The following SRD5A1 variants were observed in gnomAD, a reference collection of about 807,000 sequenced individuals.
SRD5A1 encodes steroid 5 alpha-reductase 1, also known as 3-oxo-5-alpha-steroid 4-dehydrogenase 1.
SRD5A1 carries 22 observed loss-of-function variants against 28.2 expected under a neutral mutation model. The observed-to-expected ratio is 0.78, with a 90% CI of 0.56 to 1.12. SRD5A1 has a LOEUF of 1.12. Among genes scored for constraint, SRD5A1 ranks in the 50% most tolerant of loss-of-function variants. The probability of loss-of-function intolerance (pLI) is 0.00; values close to 1 mark genes in which losing one functional copy is unlikely to be tolerated. For missense variants in SRD5A1, 300 were observed against 346.7 expected (o/e 0.87, Z 1.07); for synonymous variants, 151 against 135.0 (o/e 1.12, Z -0.82).
intron 1 of SRD5A1, among the ~76,000 whole-genome samples, chr5:6,647,824 T>A (rs10050691): frequency 0.35 from 52,725 of 151,956 alleles, 9,357 homozygotes; most frequent in Middle Eastern, 0.43. Context: ...TGCTAGCTGG[T>A]TATTTTGCCT....
chr5:6,642,858 C>G (rs1210163253), intron 1 of SRD5A1, among the ~76,000 whole-genome samples: 2 of 152,162 alleles, frequency 1.3e-5, no homozygotes, highest in African/African-American at 4.8e-5. Context: ...GCATAGTCAG[C>G]TTATTTGTGA....
chr5:6,664,600 C>A (rs1200472934), intron 4 of SRD5A1, among the ~76,000 whole-genome samples: 1 of 152,142 alleles, frequency 6.6e-6, no homozygotes, highest in Non-Finnish European at 1.5e-5. Context: ...GAGTTGTGGT[C>A]TCACTATATT....
chr5:6,637,690 C>T lies in SRD5A1; in HGVS notation c.293+3821C>T, dbSNP rs8192146. On this transcript the variant is annotated intron_variant, in intron 1 of 4. Transcript: ENST00000274192. ...TCCGAGGAGCCTGAGCAGGAGGTGC[C>T]GCTTGCCACGGGAGTCCTCAGTGAC... is the stretch of plus-strand genomic sequence containing the variant. Among the ~76,000 whole-genome samples, 141 of 152,310 alleles carry T rather than the reference C, an allele frequency of 9.3e-4. 2 individuals are homozygous for T. In the South Asian group the frequency reaches 0.024, roughly 26 times the overall value.
At chr5:6,665,368 A>G (rs761586895) in intron 4 of SRD5A1, among the ~76,000 whole-genome samples, 2 of 152,280 alleles carry the variant, frequency 1.3e-5, no homozygotes, top group Admixed American at 6.5e-5. Flanking sequence ...TAGCAGCCAC[A>G]GGGAACTGAT....
At chr5:6,633,899 C>T (rs1309277862) in intron 1 of SRD5A1, 30 bp downstream of exon 1, 3 of 1,592,334 alleles carry the variant, frequency 1.9e-6, no homozygotes, top group Admixed American at 1.7e-5. Flanking sequence ...GCCCCCTACC[C>T]TACTCCCGGC....
At chr5:6,662,787 G>A (rs1161083990) in intron 3 of SRD5A1, 29 bp from the exon 4 acceptor site, 2 of 1,601,960 alleles carry the variant, frequency 1.2e-6, no homozygotes, top group Non-Finnish European at 1.7e-6. Context: ...TGTAGTAAAT[G>A]CACTACTTTG....
In SRD5A1 at chr5:6,673,840, T is replaced by G. The variant is rs1739430826; in HGVS notation, c.*5572T>G. 3 of 152,098 alleles carry G rather than the reference T, an allele frequency of 2.0e-5. No individual in the cohort carries two copies. The South Asian group carries it at 6.2e-4, about 31-fold the overall frequency. The allele number at this position is 152,098 out of a possible 1,614,324, so 9.4% of individuals were successfully genotyped here. Reference sequence around the variant, plus strand: ...AAGGAAGAACTTTAATGCATATTGGTAAGTGAAAAAAGCCAGTTTGCAAAG... The same window carrying G: ...AAGGAAGAACTTTAATGCATATTGGGAAGTGAAAAAAGCCAGTTTGCAAAG... On this transcript the variant is annotated 3_prime_UTR_variant, in exon 5 of 5. Coordinates refer to ENST00000274192, the MANE Select transcript of SRD5A1 (RefSeq NM_001047.4).
In SRD5A1 at chr5:6,674,326, C is replaced by G. The variant is rs1050789595; in HGVS notation, c.*6058C>G. 8 of 151,964 alleles carry G rather than the reference C, an allele frequency of 5.3e-5. No individual in the cohort carries two copies. Among genetic ancestry groups the G allele is most frequent in the African/African-American group, 1.9e-4 (8 of 41,352 alleles). 9.4% of individuals were successfully genotyped at this position (151,964 alleles called of 1,614,324 possible). On this transcript the variant is annotated 3_prime_UTR_variant, in exon 5 of 5. Transcript: ENST00000274192. ...ACTCTGTACTTTCTTTTCAATGTTT[C>G]TGTAAACATAAAGCTGCTCTAAAAA...
chr5:6,650,175 G>C (rs1305134313), intron 1 of SRD5A1, among the ~76,000 whole-genome samples: 1 of 152,020 alleles, frequency 6.6e-6, no homozygotes, highest in Non-Finnish European at 1.5e-5. Context: ...CTTATTATCT[G>C]AGTGGATCAC....
rs1489233318 is a variant in SRD5A1, at chr5:6,656,191, A to G, written c.562+12A>G. 8.7e-6 allele frequency: 14 copies of G among 1,604,942 alleles called. No homozygotes were observed. Among genetic ancestry groups the G allele is most frequent in the Non-Finnish European group, 1.1e-5 (13 of 1,172,510 alleles). On this transcript the variant is annotated intron_variant, in intron 3 of 4. Coordinates refer to ENST00000274192, the MANE Select transcript of SRD5A1 (RefSeq NM_001047.4). The stretch of plus-strand genomic sequence containing the variant: ...CAAAATACCAAGGGGTACGTACAGA[A>G]AGTGAAGAATTTCTGTGAAAGTTGC...
chr5:6,656,965 T>A (rs1234379284), intron 3 of SRD5A1, among the ~76,000 whole-genome samples: 1 of 152,144 alleles, frequency 6.6e-6, no homozygotes, highest in Non-Finnish European at 1.5e-5. Flanking sequence ...ATAAAGTGAG[T>A]ACTTGAAATG....
intron 2 of SRD5A1, among the ~76,000 whole-genome samples, chr5:6,653,979 A>G (rs1738758973): frequency 1.3e-5 from 2 of 152,210 alleles, no homozygotes; most frequent in South Asian, 4.1e-4. Flanking sequence ...TGTTTTTGTG[A>G]GGAAACAGAC....
At position 6,669,695 on chromosome 5, in the gene SRD5A1, A is replaced by G. The variant is rs775364968; in HGVS notation, c.*1427A>G. 6.6e-6 allele frequency: 1 copy of G among 152,234 alleles called. No homozygotes were observed. Among genetic ancestry groups the G allele is most frequent in the Non-Finnish European group, 1.5e-5 (1 of 68,042 alleles). 9.4% of individuals were successfully genotyped at this position (152,234 alleles called of 1,614,324 possible). A position where few individuals can be genotyped will look rare whatever the true frequency, so the allele number is the denominator to read the frequency against. On this transcript the variant is annotated 3_prime_UTR_variant, in exon 5 of 5. Coordinates refer to ENST00000274192, the MANE Select transcript of SRD5A1 (RefSeq NM_001047.4). ...ATTTGGAAAGGAGATTTCCTTTAAA[A>G]CAAACAAGCTTATTGGGAATGGCTT...
intron 3 of SRD5A1, among the ~76,000 whole-genome samples, chr5:6,661,180 T>TTAAA (rs8192215): frequency 0.022 from 3,397 of 152,252 alleles, 50 homozygotes; most frequent in Non-Finnish European, 0.027. Context: ...CCCACCTTCC[T>TTAAA]TAAGAAAAAG....
At chr5:6,657,622 G>A (rs951777776) in intron 3 of SRD5A1, among the ~76,000 whole-genome samples, 2 of 152,246 alleles carry the variant, frequency 1.3e-5, no homozygotes, top group African/African-American at 2.4e-5. Flanking sequence ...AAGGCAGAAT[G>A]AAAAGGTGCA....
chr5:6,649,398 T>C (rs183803218), intron 1 of SRD5A1, among the ~76,000 whole-genome samples: 2 of 152,290 alleles, frequency 1.3e-5, no homozygotes, highest in East Asian at 3.9e-4. Context: ...TGGGGCTTTG[T>C]TTACACTATG....
At chr5:6,635,686 T>G (rs500182) in intron 1 of SRD5A1, among the ~76,000 whole-genome samples, 25,630 of 152,222 alleles carry the variant, frequency 0.17, 2,363 homozygotes, top group East Asian at 0.23. Flanking sequence ...CATCCAGACA[T>G]GTACTCTGTG....
In SRD5A1 at chr5:6,668,619, C is replaced by G. The variant is rs557966551; in HGVS notation, c.*351C>G. 5.5e-6 allele frequency: 1 copy of G among 181,614 alleles called. No homozygotes were observed. Among genetic ancestry groups the G allele is most frequent in the South Asian group, 1.3e-4 (1 of 7,600 alleles). The allele number at this position is 181,614 out of a possible 1,614,324, so 11.3% of individuals were successfully genotyped here. A position where few individuals can be genotyped will look rare whatever the true frequency, so the allele number is the denominator to read the frequency against. On this transcript the variant is annotated 3_prime_UTR_variant, in exon 5 of 5. Transcript: ENST00000274192. ...ATGGCATTTTCAGAACAATAAATGT[C>G]ACAATCCCTTCTATAGCCCCCTACA...
intron 1 of SRD5A1, among the ~76,000 whole-genome samples, chr5:6,642,327 A>G (rs1002108735): frequency 1.3e-5 from 2 of 152,206 alleles, no homozygotes; most frequent in Non-Finnish European, 2.9e-5. Flanking sequence ...CTTGGAAGGC[A>G]CTCATGGAAT....
Sources: gnomAD v4.1 joint callset for allele counts (sites outside exome capture counted in the v4.1 genomes callset) on GRCh38, gnomAD v4.1.1 for gene constraint, MANE v1.5 for transcripts, NCBI Gene and HGNC (gene_info 2026-07-23, HGNC 2026-07-21) for gene names.